KDM4C: variants seen among roughly 807,000 people sequenced by gnomAD.
The protein encoded by KDM4C is lysine-specific demethylase 4C.
Under a neutral mutation model 129.3 loss-of-function variants are expected in KDM4C, and 81 were observed. That is an observed-to-expected ratio of 0.63 (90% confidence interval 0.52 to 0.75). The LOEUF (loss-of-function observed/expected upper bound fraction) is 0.75. Among genes scored for constraint, KDM4C ranks in the 30% least tolerant of loss-of-function variants. The pLI, the probability that KDM4C is intolerant of heterozygous loss-of-function variation, is 0.00. For synonymous variants in KDM4C, 573 were observed against 456.1 expected (o/e 1.26, Z -3.26); for missense variants, 1,457 against 1,304.0 (o/e 1.12, Z -1.81).
At chr9:6,990,065 A>G (rs1818450022) in intron 11 of KDM4C, among the ~76,000 whole-genome samples, 1 of 152,146 alleles carries the variant, frequency 6.6e-6, no homozygotes, top group Admixed American at 6.6e-5. Context: ...GGCATGAGCC[A>G]CTGTGCCTGG....
chr9:6,839,256 G>A lies in KDM4C; in HGVS notation c.436-10251G>A, dbSNP rs72701438. 2.7e-3 allele frequency among the ~76,000 whole-genome samples: 417 copies of A among 152,164 alleles called. 1 individual carries two copies. The highest frequency in any genetic ancestry group is 5.2e-3 in the Non-Finnish European group (352 of 68,008). On this transcript the variant is annotated intron_variant, in intron 4 of 21. Coordinates refer to ENST00000381309, the MANE Select transcript of KDM4C (RefSeq NM_015061.6). The stretch of plus-strand genomic sequence containing the variant: ...TCTGTTGTTTTCCCTTTGACACAGG[G>A]TCTCACTCGGTTACCCAGGCTAGAG...
chr9:6,816,317 T>C (rs187980831), intron 4 of KDM4C, among the ~76,000 whole-genome samples: 2 of 152,326 alleles, frequency 1.3e-5, no homozygotes, highest in Admixed American at 1.3e-4. Context: ...TATTGTAAAG[T>C]GAACACCTGT....
chr9:6,725,164 T>C (rs35557105), intron 1 of KDM4C, among the ~76,000 whole-genome samples: 13,169 of 152,144 alleles, frequency 0.087, 748 homozygotes, highest in Non-Finnish European at 0.12. Flanking sequence ...GATCCCCTTA[T>C]CCTTGAGGGA....
chr9:6,956,563 C>CA (rs1829101569), intron 8 of KDM4C, among the ~76,000 whole-genome samples: 1 of 152,154 alleles, frequency 6.6e-6, no homozygotes, highest in Non-Finnish European at 1.5e-5. Context: ...TTGTAAATAA[C>CA]ATTATTTTGG....
chr9:6,811,409 C>A (rs1421780382), intron 3 of KDM4C, among the ~76,000 whole-genome samples: 1 of 152,158 alleles, frequency 6.6e-6, no homozygotes, highest in Non-Finnish European at 1.5e-5. Flanking sequence ...ACCTCGGCTT[C>A]CCAAAGTGCT....
intron 4 of KDM4C, among the ~76,000 whole-genome samples, chr9:6,816,393 C>T (rs1832091555): frequency 6.6e-6 from 1 of 152,120 alleles, no homozygotes; most frequent in African/African-American, 2.4e-5. Context: ...GCCCTATTAC[C>T]TACTATAGGC....
chr9:6,952,029 G>C (rs1478033023), intron 8 of KDM4C, among the ~76,000 whole-genome samples: 1 of 151,938 alleles, frequency 6.6e-6, no homozygotes, highest in Non-Finnish European at 1.5e-5. Flanking sequence ...ATAATAACCA[G>C]AGTTTATAAG....
At chr9:6,731,325 CTTTTTTT>C (rs34724329) in intron 1 of KDM4C, among the ~76,000 whole-genome samples, 2 of 114,052 alleles carry the variant, frequency 1.8e-5, no homozygotes, top group Non-Finnish European at 3.5e-5. Flanking sequence ...TTTTTTTTTG[CTTTTTTT>C]TTTTTTTTTT....
intron 8 of KDM4C, among the ~76,000 whole-genome samples, chr9:6,937,723 A>T (rs769314625): frequency 2.0e-5 from 3 of 151,754 alleles, no homozygotes; most frequent in Non-Finnish European, 4.4e-5. Flanking sequence ...ATTTAATTTA[A>T]TTTTTTCAGA....
At chr9:6,956,370 TAC>T in intron 8 of KDM4C, among the ~76,000 whole-genome samples, 1 of 152,284 alleles carries the variant, frequency 6.6e-6, no homozygotes, top group South Asian at 2.1e-4. Context: ...TCCACAAATA[TAC>T]ACACCTACTA....
chr9:6,897,587 G>T (rs892633198), intron 8 of KDM4C, among the ~76,000 whole-genome samples: 1 of 152,178 alleles, frequency 6.6e-6, no homozygotes. Flanking sequence ...GTTTCAGGTA[G>T]TCACATGTTC....
chr9:6,844,382 C>T (rs1054349423), intron 4 of KDM4C, among the ~76,000 whole-genome samples: 11 of 152,190 alleles, frequency 7.2e-5, no homozygotes, highest in Non-Finnish European at 1.5e-4. Flanking sequence ...TTCTGAAGTG[C>T]ATCTCTGATG....
chr9:6,728,525 T>C (rs987360104), intron 1 of KDM4C, among the ~76,000 whole-genome samples: 2 of 150,216 alleles, frequency 1.3e-5, no homozygotes, highest in African/African-American at 2.5e-5. Flanking sequence ...GCAAGACTCC[T>C]ACTCTGAAAA....
intron 5 of KDM4C, among the ~76,000 whole-genome samples, chr9:6,873,527 A>G (rs903170534): frequency 1.3e-4 from 20 of 152,320 alleles, no homozygotes; most frequent in Admixed American, 3.9e-4. Flanking sequence ...TATGGATACA[A>G]TGGCTTTCCT....
chr9:6,806,723 G>T (rs1388066976), intron 3 of KDM4C, among the ~76,000 whole-genome samples: 1 of 152,028 alleles, frequency 6.6e-6, no homozygotes, highest in African/African-American at 2.4e-5. Context: ...TTTTGATGGG[G>T]TCCTCAGTTC....
chr9:6,764,641 T>A (rs1820249013), intron 1 of KDM4C, among the ~76,000 whole-genome samples: 1 of 152,222 alleles, frequency 6.6e-6, no homozygotes. Flanking sequence ...ATACACATGG[T>A]ATTTCAGCTA....
chr9:7,146,281 A>T (rs2130000681), intron 19 of KDM4C, among the ~76,000 whole-genome samples: 1 of 152,352 alleles, frequency 6.6e-6, no homozygotes, highest in Admixed American at 6.5e-5. Flanking sequence ...ATGATTTTCA[A>T]CTTTATCACC....
At chr9:6,832,705 G>T (rs1163361420) in intron 4 of KDM4C, among the ~76,000 whole-genome samples, 1 of 148,844 alleles carries the variant, frequency 6.7e-6, no homozygotes, top group Admixed American at 6.8e-5. Context: ...GATTATAGGC[G>T]TGAGCCACTG....
chr9:7,102,485 TTGG>T (rs1837212680), intron 17 of KDM4C, among the ~76,000 whole-genome samples: 3 of 152,102 alleles, frequency 2.0e-5, no homozygotes, highest in Non-Finnish European at 4.4e-5. Flanking sequence ...GAGATACACA[TTGG>T]GAATCCATTA....
Sources: gnomAD v4.1 joint callset for allele counts (sites outside exome capture counted in the v4.1 genomes callset) on GRCh38, gnomAD v4.1.1 for gene constraint, MANE v1.5 for transcripts, NCBI Gene and HGNC (gene_info 2026-07-23, HGNC 2026-07-21) for gene names.